DNA2: variants seen among roughly 807,000 people sequenced by gnomAD.
DNA2 encodes DNA replication ATP-dependent helicase/nuclease DNA2.
In DNA2, 101 loss-of-function variants were observed where a neutral mutation model predicts 119.1. That is an observed-to-expected ratio of 0.85 (90% CI 0.72 to 1.00). The LOEUF (loss-of-function observed/expected upper bound fraction) is 1.00, where lower values mean the gene tolerates loss of function less well. Among genes scored for constraint, DNA2 ranks in the 50% least tolerant of loss-of-function variants. The pLI is 0.00. For missense variants in DNA2, 1,121 were observed against 1,255.5 expected (o/e 0.89, Z 1.62); for synonymous variants, 366 against 424.4 (o/e 0.86, Z 1.69).
At position 68,414,831 on chromosome 10, in the gene DNA2, G is replaced by A; in HGVS notation, c.*208C>T. ...AGTCAAAAGTTAATCCATCTTCAAA[G>A]CTGGTAAAAATTTATCAAACTCTTT... On this transcript the variant is annotated 3_prime_UTR_variant, in exon 21 of 21. Coordinates refer to ENST00000358410, the MANE Select transcript of DNA2 (RefSeq NM_001080449.3). The A allele has an allele frequency of 2.5e-6, 1 of 407,436 alleles. No individual in the cohort carries two copies. The highest frequency in any genetic ancestry group is 4.5e-6 in the Non-Finnish European group (1 of 222,100). 25.2% of individuals were successfully genotyped at this position (407,436 alleles called of 1,614,324 possible).
In DNA2 at chr10:68,431,845, A is replaced by G. The variant is rs754365021; in HGVS notation, c.1983+17T>C. On this transcript the variant is annotated intron_variant, in intron 13 of 20. Coordinates refer to ENST00000358410, the MANE Select transcript of DNA2 (RefSeq NM_001080449.3). ...ATACAAATATTTTGTCTCTAAGCAGAAGAATAATAACCTTACGAGAGTACA... is the reference window on the plus strand; with the variant it reads ...ATACAAATATTTTGTCTCTAAGCAGGAGAATAATAACCTTACGAGAGTACA... The G allele has an allele frequency of 1.3e-6, 2 of 1,545,380 alleles. No homozygotes were observed. The highest frequency in any genetic ancestry group is 1.8e-6 in the Non-Finnish European group (2 of 1,123,966).
Position 68,419,074 on chromosome 10 carries a change from A to G in DNA2, c.2927T>C (p.Ile976Thr). The part of the protein sequence containing the change: ...VDKYQGRDKS[I>T]VLVSFVRSNK... ...ACTTCTAACAAAAGATACTAGGACAATACTTTTGTCCCTTCCTTGGTATTT... is the reference window on the plus strand; with the variant it reads ...ACTTCTAACAAAAGATACTAGGACAGTACTTTTGTCCCTTCCTTGGTATTT... Residue 976 changes from isoleucine to threonine, a missense_variant, in exon 19 of 21, where the codon ATT becomes ACT. By Grantham distance (89) the Ile-to-Thr change is moderately conservative. Coordinates refer to ENST00000358410, the MANE Select transcript of DNA2 (RefSeq NM_001080449.3). The G allele has an allele frequency of 6.2e-7, 1 of 1,611,822 alleles. No homozygotes were observed. Among genetic ancestry groups the G allele is most frequent in the Non-Finnish European group, 8.5e-7 (1 of 1,179,250 alleles).
chr10:68,465,416 T>C (rs573928961), intron 4 of DNA2, among the ~76,000 whole-genome samples: 17 of 152,302 alleles, frequency 1.1e-4, no homozygotes, highest in Non-Finnish European at 2.9e-5. Flanking sequence ...AAGTTCTTTA[T>C]ACATTCTCTG....
At chr10:68,463,411 T>A in intron 4 of DNA2, among the ~76,000 whole-genome samples, 2 of 122,070 alleles carry the variant, frequency 1.6e-5, no homozygotes, top group African/African-American at 6.5e-5. Flanking sequence ...GCCACTGCAC[T>A]CCAGCCTGGG....
At chr10:68,449,027 G>A (rs933853967) in intron 6 of DNA2, among the ~76,000 whole-genome samples, 3 of 140,792 alleles carry the variant, frequency 2.1e-5, no homozygotes, top group Non-Finnish European at 3.0e-5. Flanking sequence ...TCAAACTCCC[G>A]ACCTCAAGTG....
rs7912227 is a variant in DNA2, at chr10:68,419,956, C to G, written c.2698-64G>C. 0.18 allele frequency: 246,506 copies of G among 1,380,152 alleles called. 26,977 individuals carry two copies. Among genetic ancestry groups the G allele is most frequent in the African/African-American group, 0.47 (33,252 of 70,128 alleles). The allele number at this position is 1,380,152 out of a possible 1,614,324, so 85.5% of individuals were successfully genotyped here. A position where few individuals can be genotyped will look rare whatever the true frequency, so the allele number is the denominator to read the frequency against. On this transcript the variant is annotated intron_variant, in intron 17 of 20. Transcript: ENST00000358410. ...TCTAAAGAGTACTATAAGTACGCAA[C>G]TGGCCATAAAGACTATACTACCGAC...
intron 10 of DNA2, among the ~76,000 whole-genome samples, chr10:68,435,171 G>A (rs558326858): frequency 1.3e-5 from 2 of 151,716 alleles, no homozygotes; most frequent in East Asian, 1.9e-4. Context: ...GTCCCACCTC[G>A]GCCTCCACAG....
intron 5 of DNA2, among the ~76,000 whole-genome samples, chr10:68,457,453 A>G (rs921854777): frequency 6.6e-6 from 1 of 152,058 alleles, no homozygotes; most frequent in Non-Finnish European, 1.5e-5. Context: ...TGAACATTCT[A>G]TGGAATATCC....
intron 4 of DNA2, among the ~76,000 whole-genome samples, chr10:68,461,944 AAAAT>A (rs1028578970): frequency 1.3e-5 from 2 of 152,170 alleles, no homozygotes; most frequent in East Asian, 1.9e-4. Flanking sequence ...TACCTCAAAA[AAAAT>A]AAATAAGGAA....
At chr10:68,466,308 A>G (rs1339034605) in intron 3 of DNA2, among the ~76,000 whole-genome samples, 1 of 152,158 alleles carries the variant, frequency 6.6e-6, no homozygotes, top group African/African-American at 2.4e-5. Flanking sequence ...AATATTTTAA[A>G]ATTCAAAATA....
intron 9 of DNA2, among the ~76,000 whole-genome samples, chr10:68,439,005 C>A (rs1312328088): frequency 1.4e-5 from 2 of 139,392 alleles, no homozygotes; most frequent in African/African-American, 5.3e-5. Context: ...TGCACTCCAG[C>A]CTGGGCAACA....
rs577095297 is a variant in DNA2 at position 68,443,168 on chromosome 10, G to A, written c.1221-57C>T. 3.4e-5 allele frequency: 48 copies of A among 1,415,530 alleles called. No homozygotes were observed. In the African/African-American group the frequency reaches 4.8e-4, roughly 14 times the overall value. The allele number at this position is 1,415,530 out of a possible 1,614,324, so 87.7% of individuals were successfully genotyped here. Reference sequence around the variant, plus strand: ...ATAAACCATTTCCCTGGCTGGGTACGAAGTGAGATAATTCCAAAATAAGAA... The same window carrying A: ...ATAAACCATTTCCCTGGCTGGGTACAAAGTGAGATAATTCCAAAATAAGAA... On this transcript the variant is annotated intron_variant, in intron 8 of 20. Transcript: ENST00000358410.
At chr10:68,445,291 C>A (rs929381099) in intron 7 of DNA2, among the ~76,000 whole-genome samples, 1 of 152,036 alleles carries the variant, frequency 6.6e-6, no homozygotes, top group African/African-American at 2.4e-5. Flanking sequence ...ACGGTGAAAC[C>A]CCGTCTCTAC....
chr10:68,461,866 AT>A (rs796614414), intron 4 of DNA2, among the ~76,000 whole-genome samples: 30 of 150,374 alleles, frequency 2.0e-4, no homozygotes, highest in African/African-American at 7.1e-4. Flanking sequence ...AGGCTGGAGG[AT>A]TGTTTGAGGC....
At chr10:68,456,734 A>C (rs2052186909) in intron 5 of DNA2, among the ~76,000 whole-genome samples, 1 of 151,810 alleles carries the variant, frequency 6.6e-6, no homozygotes, top group African/African-American at 2.4e-5. Context: ...AATTTTTTAG[A>C]TCACAAAATG....
At chr10:68,436,939 A>T in intron 10 of DNA2, 72 bp downstream of exon 10, 1 of 1,204,934 alleles carries the variant, frequency 8.3e-7, no homozygotes, top group Non-Finnish European at 1.2e-6. Flanking sequence ...TGTACATTTT[A>T]AATGGATGAA....
chr10:68,464,364 A>T (rs1321531325), intron 4 of DNA2, among the ~76,000 whole-genome samples: 1 of 151,906 alleles, frequency 6.6e-6, no homozygotes, highest in Non-Finnish European at 1.5e-5. Flanking sequence ...AGTACAAAAA[A>T]ATTAGCCGGG....
At chr10:68,423,798 A>T (rs1453018955) in intron 14 of DNA2, among the ~76,000 whole-genome samples, 3 of 152,226 alleles carry the variant, frequency 2.0e-5, no homozygotes, top group Non-Finnish European at 2.9e-5. Flanking sequence ...GCCCAGCGGT[A>T]ACGAGGAACC....
Position 68,432,189 on chromosome 10 carries a change from T to A in DNA2, c.1873+17A>T. On this transcript the variant is annotated intron_variant, in intron 12 of 20. Coordinates refer to ENST00000358410, the MANE Select transcript of DNA2 (RefSeq NM_001080449.3). ...CAAGAAAAATTAATCAAAGCAGACA[T>A]GGTGATTTTAGCATACCCTTTAGAA... 6.8e-7 allele frequency: 1 copy of A among 1,478,448 alleles called. No individual in the cohort carries two copies. The highest frequency in any genetic ancestry group is 9.3e-7 in the Non-Finnish European group (1 of 1,079,780). 91.6% of individuals were successfully genotyped at this position (1,478,448 alleles called of 1,614,324 possible). A position where few individuals can be genotyped will look rare whatever the true frequency, so the allele number is the denominator to read the frequency against.
Sources: allele counts gnomAD v4.1 joint callset (sites outside exome capture counted in the v4.1 genomes callset), GRCh38; gene constraint gnomAD v4.1.1; transcripts MANE v1.5; gene names NCBI Gene and HGNC (gene_info 2026-07-23, HGNC 2026-07-21).